Variants in LDLRAD4 observed in about 807,000 individuals in gnomAD.
The protein encoded by LDLRAD4 is low-density lipoprotein receptor class A domain-containing protein 4.
LDLRAD4 carries 5 observed loss-of-function variants against 17.0 expected under a neutral mutation model. The ratio of observed to expected loss-of-function variants is 0.29; its 90% confidence interval spans 0.15 to 0.62. The LOEUF is 0.62. Among genes scored for constraint, LDLRAD4 ranks in the 20% least tolerant of loss-of-function variants. The pLI is 0.84. For missense variants in LDLRAD4, 340 were observed against 424.7 expected (o/e 0.80, Z 1.75); for synonymous variants, 168 against 171.8 (o/e 0.98, Z 0.17).
chr18:13,398,319 T>C lies in LDLRAD4; in HGVS notation c.40+10557T>C, dbSNP rs532211526. ...GTTTGTCATTCTGCTTTTGGAATGCTTAGGCGTGAAAGCAGCACAGCGTCA... is the reference window on the plus strand; with the variant it reads ...GTTTGTCATTCTGCTTTTGGAATGCCTAGGCGTGAAAGCAGCACAGCGTCA... On this transcript the variant is annotated intron_variant, in intron 2 of 5. Coordinates refer to ENST00000359446, the Ensembl canonical transcript of LDLRAD4. This position sits in a 1 kb window ranked among gnomAD's most constrained non-coding sequence, Gnocchi z 4.8. Among the ~76,000 whole-genome samples, 16 of 152,308 alleles carry C rather than the reference T, an allele frequency of 1.1e-4. No individual in the cohort carries two copies. The highest frequency in any genetic ancestry group is 3.8e-4 in the African/African-American group (16 of 41,572).
At chr18:13,428,799 T>G (rs2090125195) in intron 2 of LDLRAD4, among the ~76,000 whole-genome samples, 1 of 152,102 alleles carries the variant, frequency 6.6e-6, no homozygotes. Context: ...GTGCAGTTTC[T>G]GAGATAGGGA....
chr18:13,221,969 G>A (rs575528138), intron 1 of LDLRAD4, among the ~76,000 whole-genome samples: 57 of 152,304 alleles, frequency 3.7e-4, no homozygotes, highest in African/African-American at 1.3e-3. Context: ...TATGCAAAAA[G>A]TCCTCTGGTT....
chr18:13,417,635 C>G (rs1229249883), intron 2 of LDLRAD4, among the ~76,000 whole-genome samples: 2 of 152,074 alleles, frequency 1.3e-5, no homozygotes, highest in Non-Finnish European at 2.9e-5. Flanking sequence ...GGGGTTTCAC[C>G]GTGTTAGCCA....
At chr18:13,270,001 G>T (rs2044436190) in intron 1 of LDLRAD4, among the ~76,000 whole-genome samples, 1 of 152,170 alleles carries the variant, frequency 6.6e-6, no homozygotes, top group Non-Finnish European at 1.5e-5. Flanking sequence ...ACCTTGATCT[G>T]CAAACACACC....
At chr18:13,370,430 C>T (rs2084374172) in intron 1 of LDLRAD4, among the ~76,000 whole-genome samples, 1 of 152,194 alleles carries the variant, frequency 6.6e-6, no homozygotes. Context: ...GGAACCACAT[C>T]TTAAAGACGT....
At chr18:13,290,009 C>T (rs1359127639) in intron 1 of LDLRAD4, among the ~76,000 whole-genome samples, 1 of 152,210 alleles carries the variant, frequency 6.6e-6, no homozygotes, top group African/African-American at 2.4e-5. Flanking sequence ...GGGAGTTTTA[C>T]TGTGTGGGCA....
intron 3 of LDLRAD4, among the ~76,000 whole-genome samples, chr18:13,485,363 C>T (rs1485340158): frequency 6.6e-6 from 1 of 152,252 alleles, no homozygotes; most frequent in Non-Finnish European, 1.5e-5. Flanking sequence ...GGCTCGGCCT[C>T]AGCCACCAGG....
chr18:13,523,701 T>A (rs1035465327), intron 3 of LDLRAD4, among the ~76,000 whole-genome samples: 2 of 152,168 alleles, frequency 1.3e-5, no homozygotes, highest in African/African-American at 4.8e-5. Context: ...CCCTGGTATC[T>A]GGATGATGTC....
At chr18:13,609,815 A>G (rs2039320660) in intron 3 of LDLRAD4, among the ~76,000 whole-genome samples, 1 of 152,096 alleles carries the variant, frequency 6.6e-6, no homozygotes, top group Admixed American at 6.6e-5. Flanking sequence ...TCTACTAAAA[A>G]TACAAAAATT....
chr18:13,649,390 G>C (rs2043148220), exon 6 of LDLRAD4: 1 of 152,342 alleles, frequency 6.6e-6, no homozygotes, highest in African/African-American at 2.4e-5. Flanking sequence ...TCCCTTCTCT[G>C]ACAGGGGCCA....
intron 3 of LDLRAD4, among the ~76,000 whole-genome samples, chr18:13,610,952 T>C (rs893395715): frequency 3.3e-5 from 5 of 152,196 alleles, no homozygotes; most frequent in African/African-American, 1.2e-4. Context: ...CGCGGCTGTA[T>C]ATTAATAAAT....
intron 3 of LDLRAD4, among the ~76,000 whole-genome samples, chr18:13,565,264 G>A (rs1203769835): frequency 6.6e-6 from 1 of 152,228 alleles, no homozygotes; most frequent in Non-Finnish European, 1.5e-5. Context: ...GTGTCCAGGA[G>A]TGGGATGAAG....
chr18:13,575,246 TC>T (rs2094752249), intron 3 of LDLRAD4, among the ~76,000 whole-genome samples: 1 of 152,280 alleles, frequency 6.6e-6, no homozygotes, highest in East Asian at 1.9e-4. Context: ...TTCCCCTGAG[TC>T]CCCAAAGTCC....
chr18:13,247,187 C>T (rs2042996827), intron 1 of LDLRAD4, among the ~76,000 whole-genome samples: 1 of 152,136 alleles, frequency 6.6e-6, no homozygotes, highest in South Asian at 2.1e-4. Context: ...ACTCTGTATG[C>T]CTCCCCTTTC....
intron 3 of LDLRAD4, among the ~76,000 whole-genome samples, chr18:13,460,211 G>T (rs1420118612): frequency 6.6e-6 from 1 of 151,890 alleles, no homozygotes; most frequent in African/African-American, 2.4e-5. Context: ...TTTTTTTTAA[G>T]AGACAGGGCC....
chr18:13,466,777 C>G (rs1365380472), intron 3 of LDLRAD4, among the ~76,000 whole-genome samples: 1 of 152,184 alleles, frequency 6.6e-6, no homozygotes, highest in African/African-American at 2.4e-5. Context: ...CCACCAGATT[C>G]TGTGTCTGGT....
At chr18:13,548,852 C>T (rs965022798) in intron 3 of LDLRAD4, among the ~76,000 whole-genome samples, 21 of 152,342 alleles carry the variant, frequency 1.4e-4, no homozygotes, top group Admixed American at 7.2e-4. Context: ...ATCATGGCAG[C>T]GGCCATTCTA....
At chr18:13,359,028 A>G (rs529175752) in intron 1 of LDLRAD4, among the ~76,000 whole-genome samples, 22 of 152,346 alleles carry the variant, frequency 1.4e-4, no homozygotes, top group African/African-American at 5.1e-4. Flanking sequence ...AGGCGGCTGA[A>G]AACCAACAGA....
At chr18:13,461,615 G>A (rs534216539) in intron 3 of LDLRAD4, among the ~76,000 whole-genome samples, 4 of 152,246 alleles carry the variant, frequency 2.6e-5, no homozygotes, top group East Asian at 1.9e-4. Context: ...AATTTTCTCC[G>A]CTTTAAAGAC....
Sources: gnomAD v4.1 joint callset for allele counts (sites outside exome capture counted in the v4.1 genomes callset) on GRCh38, gnomAD v4.1.1 for gene constraint, Gnocchi (gnomAD v3.1) non-coding constraint, MANE v1.5 for transcripts, NCBI Gene and HGNC (gene_info 2026-07-23, HGNC 2026-07-21) for gene names.